TRIM37: variants seen among roughly 807,000 people sequenced by gnomAD.
The protein encoded by TRIM37 is tripartite motif containing 37.
A neutral mutation model predicts 129.8 loss-of-function variants in TRIM37; 80 were observed. The ratio of observed to expected loss-of-function variants is 0.62; its 90% CI spans 0.51 to 0.74. TRIM37 has a LOEUF of 0.74. TRIM37 is among the 30% of genes least tolerant of loss of function. The pLI is 0.00. For synonymous variants in TRIM37, 389 were observed against 387.1 expected, an observed-to-expected ratio of 1.00 and a Z score of -0.06; for missense variants, 1,054 against 1,176.5, an observed-to-expected ratio of 0.90 and a Z score of 1.52.
intron 24 of TRIM37, among the ~76,000 whole-genome samples, chr17:58,988,566 C>T (rs1489547355): frequency 6.6e-6 from 1 of 152,134 alleles, no homozygotes; most frequent in Non-Finnish European, 1.5e-5. Flanking sequence ...CCCTCCCAAA[C>T]CTAGGGACAC....
At chr17:59,018,039 A>G (rs2036165744) in intron 19 of TRIM37, among the ~76,000 whole-genome samples, 1 of 152,244 alleles carries the variant, frequency 6.6e-6, no homozygotes. Flanking sequence ...TGGAAATTAT[A>G]AAGTATTATT....
chr17:58,995,485 G>C (rs2032899209), downstream of TRIM37, among the ~76,000 whole-genome samples: 1 of 150,216 alleles, frequency 6.7e-6, no homozygotes, highest in Non-Finnish European at 1.5e-5. Flanking sequence ...GCTAAAATTA[G>C]AACAAGCCAA....
chr17:59,051,130 A>G, intron 14 of TRIM37, 84 bp downstream of exon 14: 1 of 870,480 alleles, frequency 1.1e-6, no homozygotes, highest in Admixed American at 2.6e-5. Flanking sequence ...ACAAATAGCA[A>G]TAAAATATAT....
At chr17:58,985,412 G>T (rs572625688) in intron 24 of TRIM37, among the ~76,000 whole-genome samples, 20 of 152,282 alleles carry the variant, frequency 1.3e-4, no homozygotes, top group East Asian at 7.7e-4. Context: ...GAGAGGGAGT[G>T]GTGTTATAAT....
intron 24 of TRIM37, among the ~76,000 whole-genome samples, chr17:58,988,779 T>C (rs1308188247): frequency 6.6e-6 from 1 of 151,940 alleles, no homozygotes; most frequent in Non-Finnish European, 1.5e-5. Context: ...CCAACACCAA[T>C]CAGAAATACA....
intron 13 of TRIM37, 38 bp downstream of exon 13, chr17:59,056,837 C>G: frequency 6.5e-7 from 1 of 1,527,446 alleles, no homozygotes; most frequent in Non-Finnish European, 8.9e-7. Flanking sequence ...TATTATTTCC[C>G]CACAATAAAA....
chr17:59,048,918 C>T (rs891480882), intron 15 of TRIM37, among the ~76,000 whole-genome samples: 43 of 152,292 alleles, frequency 2.8e-4, no homozygotes, highest in African/African-American at 1.0e-3. Context: ...TTAAAATCCA[C>T]AATGTATGGT....
rs767616734 is a variant in TRIM37, at chr17:59,017,402, C to T, written c.2280G>A (p.Ser760=). 6.7e-5 allele frequency: 108 copies of T among 1,613,916 alleles called. No individual in the cohort carries two copies. Among genetic ancestry groups the T allele is most frequent in the Non-Finnish European group, 8.0e-5 (94 of 1,179,922 alleles). The change falls in exon 20 of 24, where the codon TCG becomes TCA. Residue 760 remains serine, a synonymous_variant. Transcript: ENST00000262294. ...IRNSTNKKSN[S]PKPARSSVAG... is the part of the protein sequence containing the mutation. ...CTACACTGGATCGAGCTGGCTTGGGCGAATTACTCTTCTTATTTGTGGCTG... is the reference window on the plus strand; with the variant it reads ...CTACACTGGATCGAGCTGGCTTGGGTGAATTACTCTTCTTATTTGTGGCTG...
Position 59,106,812 on chromosome 17 carries a change from T to C in TRIM37, c.-351A>G, listed in dbSNP as rs2147770173. The C allele has an allele frequency of 2.1e-6, 1 of 482,122 alleles. No individual in the cohort carries two copies. Among genetic ancestry groups the C allele is most frequent in the Non-Finnish European group, 3.7e-6 (1 of 267,674 alleles). 29.9% of individuals were successfully genotyped at this position (482,122 alleles called of 1,614,324 possible). A position where few individuals can be genotyped will look rare whatever the true frequency, so the allele number is the denominator to read the frequency against. Reference sequence around the variant, plus strand: ...TGACGGTGGAGTTCAGCGAAGAAGGTGCCGCAGAGAATTCGCAAACACCAA... The same window carrying C: ...TGACGGTGGAGTTCAGCGAAGAAGGCGCCGCAGAGAATTCGCAAACACCAA... On this transcript the variant is annotated 5_prime_UTR_variant, in exon 1 of 24. Coordinates refer to ENST00000262294, the MANE Select transcript of TRIM37 (RefSeq NM_015294.6).
intron 2 of TRIM37, 90 bp downstream of exon 2, chr17:59,104,203 A>G: frequency 3.7e-6 from 5 of 1,346,634 alleles, no homozygotes; most frequent in Non-Finnish European, 4.2e-6. Context: ...TTTAGGGCAA[A>G]AAATGTAAAA....
rs528035439 is a variant in TRIM37, at chr17:59,039,322, C to T, written c.1753+2491G>A. 3.9e-5 allele frequency among the ~76,000 whole-genome samples: 6 copies of T among 151,974 alleles called. No homozygotes were observed. In the South Asian group the frequency reaches 8.3e-4, roughly 21 times the overall value. ...TGCTTTTAGTCTTTGCCAGAGGCCA[C>T]ACTTCCCAGCCTGTCAGGATGGCCA... On this transcript the variant is annotated intron_variant, in intron 17 of 23. Coordinates refer to ENST00000262294, the MANE Select transcript of TRIM37 (RefSeq NM_015294.6).
At chr17:59,006,659 C>G (rs1039651899) in intron 22 of TRIM37, among the ~76,000 whole-genome samples, 12 of 152,106 alleles carry the variant, frequency 7.9e-5, no homozygotes, top group African/African-American at 2.9e-4. Flanking sequence ...GTGGCCAAGG[C>G]AGGCAGATTG....
intron 4 of TRIM37, among the ~76,000 whole-genome samples, chr17:59,084,356 A>G (rs755153637): frequency 6.6e-6 from 1 of 152,168 alleles, no homozygotes; most frequent in Non-Finnish European, 1.5e-5. Context: ...ATATTGCATC[A>G]TTTCCACACA....
chr17:58,973,012 ATAAT>A, the TRIM37 span: 1 of 813,536 alleles, frequency 1.2e-6, no homozygotes, highest in Non-Finnish European at 2.0e-6. Context: ...ACCTGAGATG[ATAAT>A]TTATGTTACC....
chr17:59,090,402 T>A (rs963316290), intron 3 of TRIM37, among the ~76,000 whole-genome samples: 2 of 152,036 alleles, frequency 1.3e-5, no homozygotes, highest in African/African-American at 2.4e-5. Context: ...TATATATATA[T>A]AAATATAGGC....
intron 21 of TRIM37, among the ~76,000 whole-genome samples, chr17:59,013,805 G>A (rs764970529): frequency 1.8e-4 from 27 of 152,100 alleles, no homozygotes; most frequent in Non-Finnish European, 3.4e-4. Flanking sequence ...TGGGATTACA[G>A]GTGTGTGCCA....
chr17:59,001,752 A>AC (rs1264464124), intron 22 of TRIM37, 38 bp from the exon 23 acceptor site: 2 of 1,611,756 alleles, frequency 1.2e-6, no homozygotes, highest in Non-Finnish European at 1.7e-6. Context: ...CTGAAAAGAA[A>AC]CCACTGTAAG....
chr17:59,105,816 G>A (rs1486084248), intron 1 of TRIM37, among the ~76,000 whole-genome samples: 1 of 152,186 alleles, frequency 6.6e-6, no homozygotes, highest in Admixed American at 6.5e-5. Context: ...TTCAGTATCT[G>A]AAAGGTTCAA....
At chr17:59,008,412 T>C (rs1345679252) in intron 22 of TRIM37, among the ~76,000 whole-genome samples, 1 of 152,210 alleles carries the variant, frequency 6.6e-6, no homozygotes, top group Non-Finnish European at 1.5e-5. Context: ...TTCAAAGACT[T>C]GGAAAATGTA....
Sources: gnomAD v4.1 joint callset for allele counts (sites outside exome capture counted in the v4.1 genomes callset) on GRCh38, gnomAD v4.1.1 for gene constraint, MANE v1.5 for transcripts, NCBI Gene and HGNC (gene_info 2026-07-23, HGNC 2026-07-21) for gene names.